VPS13B: variants seen among roughly 807,000 people sequenced by gnomAD.
VPS13B encodes the protein vacuolar protein sorting 13 homolog B.
In VPS13B, 285 loss-of-function variants were observed where a neutral mutation model predicts 426.4. That is an observed-to-expected ratio of 0.67 (90% CI 0.61 to 0.74). The LOEUF (loss-of-function observed/expected upper bound fraction) is 0.74, where lower values mean the gene tolerates loss of function less well. Ranked by LOEUF, VPS13B falls within the 30% of genes least tolerant of loss-of-function variation. The pLI, the probability that VPS13B is intolerant of heterozygous loss-of-function variation, is 0.00. For synonymous variants in VPS13B, 1,676 were observed against 1,676.4 expected, an observed-to-expected ratio of 1.00 and a Z score of 0.01; for missense variants, 4,537 against 4,782.6, an observed-to-expected ratio of 0.95 and a Z score of 1.51.
At chr8:99,555,558 G>C (rs920571186) in intron 30 of VPS13B, among the ~76,000 whole-genome samples, 26 of 151,480 alleles carry the variant, frequency 1.7e-4, no homozygotes, top group African/African-American at 6.3e-4. Flanking sequence ...TTTTTCTTTT[G>C]ATCATCTACT....
intron 51 of VPS13B, among the ~76,000 whole-genome samples, chr8:99,826,446 C>T (rs1029197392): frequency 4.6e-5 from 7 of 152,296 alleles, no homozygotes; most frequent in African/African-American, 1.7e-4. Context: ...GCCAAAGTTG[C>T]TTATCAACTT....
At chr8:99,266,084 T>A (rs1818282002) in intron 17 of VPS13B, among the ~76,000 whole-genome samples, 1 of 152,156 alleles carries the variant, frequency 6.6e-6, no homozygotes, top group South Asian at 2.1e-4. Flanking sequence ...TAGTTCATCA[T>A]TTAATATGTA....
chr8:99,870,758 A>G (rs1291531223), intron 59 of VPS13B, 27 bp from the exon 60 acceptor site: 4 of 1,609,686 alleles, frequency 2.5e-6, no homozygotes, highest in Non-Finnish European at 3.4e-6. Flanking sequence ...AACAAGTAGT[A>G]AAACTCCCTT....
At chr8:99,058,125 AC>A (rs1350481197) in intron 3 of VPS13B, among the ~76,000 whole-genome samples, 1 of 152,108 alleles carries the variant, frequency 6.6e-6, no homozygotes, top group Non-Finnish European at 1.5e-5. Flanking sequence ...TTTTTCTAAT[AC>A]TAAGACATGA....
At chr8:99,659,469 C>T (rs1830141787) in intron 34 of VPS13B, among the ~76,000 whole-genome samples, 1 of 151,936 alleles carries the variant, frequency 6.6e-6, no homozygotes, top group Admixed American at 6.6e-5. Context: ...TATATGTCAG[C>T]CCTTATGTTT....
At position 99,080,623 on chromosome 8, in the gene VPS13B, G is replaced by T. The variant is rs1332596392; in HGVS notation, c.292-15689G>T. On this transcript the variant is annotated intron_variant, in intron 3 of 61. Coordinates refer to ENST00000357162, the MANE Select transcript of VPS13B (RefSeq NM_152564.5). ...ATGGTTCTAAAATAAATCATAATGT[G>T]GGGTGGAGGTAATTTCCCCACTTAC... Among the ~76,000 whole-genome samples the T allele has an allele frequency of 9.2e-5, 14 of 152,166 alleles. No homozygotes were observed. In the East Asian group the frequency reaches 2.5e-3, roughly 27 times the overall value.
At chr8:99,474,183 ATTTT>A (rs34752686) in intron 24 of VPS13B, among the ~76,000 whole-genome samples, 1 of 124,986 alleles carries the variant, frequency 8.0e-6, no homozygotes. Flanking sequence ...CTGTTATCCA[ATTTT>A]TTTTTTTTTT....
intron 56 of VPS13B, among the ~76,000 whole-genome samples, chr8:99,856,757 C>T (rs1318959736): frequency 6.6e-6 from 1 of 152,146 alleles, no homozygotes; most frequent in Non-Finnish European, 1.5e-5. Context: ...AGGTGAATTG[C>T]TTGAACCTGG....
At chr8:99,715,111 G>T (rs1362922364) in intron 36 of VPS13B, among the ~76,000 whole-genome samples, 6 of 150,066 alleles carry the variant, frequency 4.0e-5, no homozygotes, top group Non-Finnish European at 7.4e-5. Flanking sequence ...TTTTTAAAGT[G>T]AGGGGACTTG....
intron 16 of VPS13B, among the ~76,000 whole-genome samples, chr8:99,173,424 T>C (rs1334028641): frequency 6.6e-6 from 1 of 152,188 alleles, no homozygotes; most frequent in East Asian, 1.9e-4. Context: ...GTAATACTTA[T>C]TATCAACACA....
chr8:99,774,677 C>A (rs2130658325), intron 40 of VPS13B, among the ~76,000 whole-genome samples: 1 of 152,272 alleles, frequency 6.6e-6, no homozygotes, highest in African/African-American at 2.4e-5. Flanking sequence ...TAAAAACTTA[C>A]ATGAGTAGTA....
chr8:99,039,107 A>G (rs1371596606), intron 3 of VPS13B, among the ~76,000 whole-genome samples: 1 of 152,220 alleles, frequency 6.6e-6, no homozygotes, highest in African/African-American at 2.4e-5. Flanking sequence ...ACTAGGGACC[A>G]TGCAGATTGC....
intron 17 of VPS13B, among the ~76,000 whole-genome samples, chr8:99,261,962 C>T (rs181599914): frequency 6.6e-6 from 1 of 152,046 alleles, no homozygotes; most frequent in Admixed American, 6.6e-5. Context: ...TGAACTTTTA[C>T]TTGTCAGATG....
intron 25 of VPS13B, among the ~76,000 whole-genome samples, chr8:99,496,008 G>C (rs893408719): frequency 1.1e-4 from 16 of 152,090 alleles, no homozygotes; most frequent in Non-Finnish European, 2.2e-4. Flanking sequence ...TATAATATTA[G>C]TGATGGGGCA....
At chr8:99,225,155 T>C (rs1188130306) in intron 17 of VPS13B, among the ~76,000 whole-genome samples, 1 of 152,220 alleles carries the variant, frequency 6.6e-6, no homozygotes, top group Non-Finnish European at 1.5e-5. Context: ...ACCCATACAC[T>C]GACAACTGCT....
chr8:99,021,030 T>A (rs983155838), intron 2 of VPS13B, among the ~76,000 whole-genome samples: 4 of 152,232 alleles, frequency 2.6e-5, no homozygotes, highest in Admixed American at 6.5e-5. Flanking sequence ...GTGAGTTGTA[T>A]CTTTCAAGGA....
intron 35 of VPS13B, among the ~76,000 whole-genome samples, chr8:99,685,167 TA>T (rs1345825418): frequency 2.6e-5 from 4 of 152,244 alleles, no homozygotes; most frequent in Non-Finnish European, 5.9e-5. Flanking sequence ...AAAACTTCAA[TA>T]AATATACCTA....
intron 39 of VPS13B, among the ~76,000 whole-genome samples, chr8:99,755,850 TATTTA>T (rs943094520): frequency 6.6e-6 from 1 of 151,998 alleles, no homozygotes; most frequent in Non-Finnish European, 1.5e-5. Flanking sequence ...TCCCTTTGTT[TATTTA>T]CAATAATATA....
At chr8:99,460,334 C>G (rs1818757777) in intron 23 of VPS13B, among the ~76,000 whole-genome samples, 1 of 152,036 alleles carries the variant, frequency 6.6e-6, no homozygotes, top group Non-Finnish European at 1.5e-5. Context: ...TAAATTAATT[C>G]TGGTAAATTA....
Sources: gnomAD v4.1 joint callset for allele counts (sites outside exome capture counted in the v4.1 genomes callset) on GRCh38, gnomAD v4.1.1 for gene constraint, MANE v1.5 for transcripts, NCBI Gene and HGNC (gene_info 2026-07-23, HGNC 2026-07-21) for gene names.